The following PTBP2 variants were observed in gnomAD, a reference collection of about 807,000 sequenced individuals.
The protein encoded by PTBP2 is polypyrimidine tract binding protein 2.
In PTBP2, 13 loss-of-function variants were observed where a neutral mutation model predicts 61.4. The observed-to-expected ratio is 0.21, with a 90% CI of 0.14 to 0.34. The LOEUF is 0.34. Among genes scored for constraint, PTBP2 ranks in the 10% least tolerant of loss-of-function variants. PTBP2 has a pLI of 1.00. For missense variants in PTBP2, 405 were observed against 642.6 expected (o/e 0.63, Z 4.00); for synonymous variants, 215 against 218.5 (o/e 0.98, Z 0.14).
chr1:96,740,219 A>G (rs12086822), intron 2 of PTBP2, among the ~76,000 whole-genome samples: 51,196 of 151,994 alleles, frequency 0.34, 8,819 homozygotes, highest in South Asian at 0.44. Flanking sequence ...TGACTTAAAA[A>G]ACAGAGATTC....
intron 8 of PTBP2, among the ~76,000 whole-genome samples, chr1:96,803,510 C>G (rs1403859890): frequency 6.6e-6 from 1 of 151,730 alleles, no homozygotes; most frequent in Non-Finnish European, 1.5e-5. Context: ...ACATATGCCA[C>G]TGACAGAGTT....
At chr1:96,786,041 G>C (rs1355434738) in intron 8 of PTBP2, among the ~76,000 whole-genome samples, 1 of 152,080 alleles carries the variant, frequency 6.6e-6, no homozygotes, top group Non-Finnish European at 1.5e-5. Context: ...GTATTGGTAA[G>C]ATTATCTTTA....
At chr1:96,723,712 GTT>G in intron 2 of PTBP2, 118 bp downstream of exon 2, 1 of 861,308 alleles carries the variant, frequency 1.2e-6, no homozygotes, top group Non-Finnish European at 1.8e-6. Flanking sequence ...AGTGTAAAAT[GTT>G]TCCTTTCATT....
chr1:96,726,151 G>A (rs1224436962), intron 2 of PTBP2, among the ~76,000 whole-genome samples: 9 of 146,720 alleles, frequency 6.1e-5, no homozygotes, highest in African/African-American at 1.7e-4. Context: ...TTTCTTAGGT[G>A]TAGGTAATTG....
chr1:96,722,023 C>T (rs1203350084), intron 1 of PTBP2, 151 bp downstream of exon 1: 9 of 1,045,496 alleles, frequency 8.6e-6, no homozygotes, highest in African/African-American at 8.2e-5. Context: ...ACACCCCTCC[C>T]TTTGCTTCCC....
intron 2 of PTBP2, among the ~76,000 whole-genome samples, chr1:96,727,870 T>A (rs1650804062): frequency 6.6e-6 from 1 of 152,214 alleles, no homozygotes; most frequent in Non-Finnish European, 1.5e-5. Flanking sequence ...AGTTATTAAA[T>A]CTGATGGACT....
Position 96,770,794 on chromosome 1 carries a change from A to T in PTBP2, c.375A>T (p.Pro125=), listed in dbSNP as rs760676278. 3 of 1,590,890 alleles carry T rather than the reference A, an allele frequency of 1.9e-6. No homozygotes were observed. The highest frequency in any genetic ancestry group is 2.6e-6 in the Non-Finnish European group (3 of 1,159,240). The change falls in exon 5 of 14, where the codon CCA becomes CCT. Residue 125 remains proline, a synonymous_variant. Transcript: ENST00000674951. The part of the protein sequence containing the change: ...SAVTPHLRNQ[P]IYIQYSNHKE... ...TGACACCTCATCTTCGTAACCAACC[A>T]ATATATATCCAGTACTCGAATCACA...
intron 2 of PTBP2, among the ~76,000 whole-genome samples, chr1:96,730,792 A>G (rs1174897373): frequency 2.6e-5 from 4 of 152,178 alleles, no homozygotes. Context: ...TGCTTTCCTC[A>G]TAGCTATGCT....
intron 2 of PTBP2, among the ~76,000 whole-genome samples, chr1:96,737,989 T>A (rs1652461097): frequency 2.6e-5 from 4 of 152,012 alleles, no homozygotes; most frequent in Admixed American, 1.3e-4. Flanking sequence ...TGAGGAAGAG[T>A]TAGGTTTTGT....
At chr1:96,736,474 A>G (rs1011700702) in intron 2 of PTBP2, among the ~76,000 whole-genome samples, 1 of 152,152 alleles carries the variant, frequency 6.6e-6, no homozygotes, top group Non-Finnish European at 1.5e-5. Flanking sequence ...TGTCAGTTAC[A>G]GTAGCTACTA....
intron 8 of PTBP2, among the ~76,000 whole-genome samples, chr1:96,791,318 C>T (rs1008692420): frequency 6.6e-6 from 1 of 152,012 alleles, no homozygotes; most frequent in Non-Finnish European, 1.5e-5. Context: ...GTAGGTGATG[C>T]CTGTGTTCTT....
At chr1:96,740,985 G>A (rs1652933691) in intron 2 of PTBP2, among the ~76,000 whole-genome samples, 1 of 151,522 alleles carries the variant, frequency 6.6e-6, no homozygotes, top group African/African-American at 2.4e-5. Flanking sequence ...TTTTCAAATC[G>A]ATTGAATATT....
downstream of PTBP2, chr1:96,816,723 A>G (rs76710458): frequency 1.3e-5 from 2 of 152,304 alleles, no homozygotes; most frequent in East Asian, 1.9e-4. Flanking sequence ...GTATCACCAT[A>G]TAATTACTAG....
At chr1:96,741,844 T>C (rs575843480) in intron 2 of PTBP2, among the ~76,000 whole-genome samples, 2 of 152,340 alleles carry the variant, frequency 1.3e-5, no homozygotes, top group Admixed American at 6.5e-5. Context: ...TAGTATGTAC[T>C]TGATTGAATA....
intron 3 of PTBP2, among the ~76,000 whole-genome samples, chr1:96,759,064 C>G (rs1655488866): frequency 6.6e-6 from 1 of 151,866 alleles, no homozygotes; most frequent in Admixed American, 6.6e-5. Context: ...GACAAAATAT[C>G]AGGAAAAAAA....
At chr1:96,795,376 T>G (rs545941148) in intron 8 of PTBP2, among the ~76,000 whole-genome samples, 46 of 152,276 alleles carry the variant, frequency 3.0e-4, no homozygotes, top group East Asian at 5.8e-4. Context: ...TGTGATTGAT[T>G]ATGAGAAAAA....
At position 96,770,797 on chromosome 1, in the gene PTBP2, A is replaced by G; in HGVS notation, c.378A>G (p.Ile126Met). ...CACCTCATCTTCGTAACCAACCAAT[A>G]TATATCCAGTACTCGAATCACAAAG... ...AVTPHLRNQP[I>M]YIQYSNHKEL... is the part of the protein sequence containing the mutation. Residue 126 changes from isoleucine (I) to methionine (M), a missense_variant, in exon 5 of 14, where the codon ATA becomes ATG. This residue lies in a region of PTBP2 where 342 missense variants were observed against 491.2 expected (regional missense o/e 0.70). Transcript: ENST00000674951. 1.9e-6 allele frequency: 3 copies of G among 1,589,526 alleles called. No individual in the cohort carries two copies. Among genetic ancestry groups the G allele is most frequent in the Non-Finnish European group, 1.7e-6 (2 of 1,157,892 alleles).
intron 3 of PTBP2, among the ~76,000 whole-genome samples, chr1:96,762,984 G>A (rs575240327): frequency 1.2e-3 from 180 of 151,390 alleles, no homozygotes; most frequent in Non-Finnish European, 2.3e-3. Flanking sequence ...GACGATGGGC[G>A]GCCGGGCAGA....
chr1:96,798,360 C>G (rs971519684), intron 8 of PTBP2, among the ~76,000 whole-genome samples: 2 of 152,070 alleles, frequency 1.3e-5, no homozygotes, highest in Admixed American at 6.6e-5. Context: ...GAGCTGAGAT[C>G]ATGCCATTGC....
Sources: gnomAD v4.1 joint callset for allele counts (sites outside exome capture counted in the v4.1 genomes callset) on GRCh38, gnomAD v4.1.1 for gene constraint, gnomAD v4.1.1 regional missense constraint, MANE v1.5 for transcripts, NCBI Gene and HGNC (gene_info 2026-07-23, HGNC 2026-07-21) for gene names.